The following FMR1NB variants were observed in gnomAD, a reference collection of about 807,000 sequenced individuals.
The protein encoded by FMR1NB is FMR1 neighbor protein.
In FMR1NB, 10 loss-of-function variants were observed where a neutral mutation model predicts 16.8. The ratio of observed to expected loss-of-function variants is 0.60; its 90% CI spans 0.37 to 1.01. The LOEUF is 1.01. Ranked by LOEUF, FMR1NB falls within the 50% of genes least tolerant of loss-of-function variation. The pLI is 0.01. For missense variants in FMR1NB, 205 were observed against 204.8 expected (o/e 1.00, Z 0.00); for synonymous variants, 83 against 79.1 (o/e 1.05, Z -0.26).
rs1557186499 is a variant in FMR1NB, at chrX:147,981,533, G to T, written c.131G>T (p.Gly44Val). The T allele has an allele frequency of 8.3e-7, 1 of 1,212,009 alleles. No individual in the cohort carries two copies. The highest frequency in any genetic ancestry group is 1.1e-6 in the Non-Finnish European group (1 of 895,506). The change falls in exon 1 of 6, where the codon GGA (glycine) becomes GTA (valine). Residue 44 changes from glycine to valine, a missense_variant. Gly to Val is a moderately radical substitution (Grantham distance 109, BLOSUM62 -3). Transcript: ENST00000370467. ...TCGAATCCCGAGAGCAGCCATCCTGGATACGAGGCCGCCATGGCTGACAGG... is the reference window on the plus strand; with the variant it reads ...TCGAATCCCGAGAGCAGCCATCCTGTATACGAGGCCGCCATGGCTGACAGG... ...TESNPESSHP[G>V]YEAAMADRPQ... is the part of the protein sequence containing the mutation.
intron 4 of FMR1NB, 127 bp from the exon 5 acceptor site, chrX:148,024,737 TG>T: frequency 1.3e-6 from 1 of 782,071 alleles, no homozygotes; most frequent in Non-Finnish European, 1.8e-6. Context: ...TTATTAAATC[TG>T]GTGAGTTAAA....
At chrX:148,009,332 C>T (rs1557189426) in intron 4 of FMR1NB, among the ~76,000 whole-genome samples, 1 of 111,230 alleles carries the variant, frequency 9.0e-6, no homozygotes, top group Non-Finnish European at 1.9e-5. Context: ...TGGCTATTAA[C>T]TGCAAATCAG....
At chrX:148,022,187 A>G (rs2044682784) in intron 4 of FMR1NB, among the ~76,000 whole-genome samples, 1 of 111,191 alleles carries the variant, frequency 9.0e-6, no homozygotes, top group Admixed American at 9.6e-5. Flanking sequence ...CTGCTGACTG[A>G]AATGCTCTTA....
chrX:148,014,322 G>A (rs1327300467), intron 4 of FMR1NB, among the ~76,000 whole-genome samples: 1 of 111,468 alleles, frequency 9.0e-6, no homozygotes, highest in African/African-American at 3.3e-5. Context: ...AACCAGTTTG[G>A]ACATATACCT....
chrX:148,007,463 G>GT (rs781886395), intron 3 of FMR1NB, among the ~76,000 whole-genome samples: 36 of 111,176 alleles, frequency 3.2e-4, no homozygotes, highest in African/African-American at 1.1e-3. Flanking sequence ...CTAATTTTTA[G>GT]TTTTTTTGTA....
intron 1 of FMR1NB, among the ~76,000 whole-genome samples, chrX:147,992,339 C>CT (rs1454129337): frequency 1.5e-5 from 1 of 68,832 alleles, no homozygotes; most frequent in African/African-American, 5.8e-5. Flanking sequence ...GGGCAGGGGG[C>CT]TGACCCCCCA....
intron 1 of FMR1NB, among the ~76,000 whole-genome samples, chrX:147,998,372 C>T (rs1001010457): frequency 4.7e-5 from 5 of 105,971 alleles, no homozygotes; most frequent in African/African-American, 1.1e-4. Flanking sequence ...CTAAACACCG[C>T]ATGTTCTCAC....
chrX:148,017,777 A>G lies in FMR1NB; in HGVS notation c.633-7088A>G, dbSNP rs1375463146. On this transcript the variant is annotated intron_variant, in intron 4 of 5. Transcript: ENST00000370467. ...ATTGTTCAATTCCCACCTATGAGTG[A>G]GAATATGCGGTGTTTGGTTTTTTGT... is the stretch of plus-strand genomic sequence containing the variant. Among the ~76,000 whole-genome samples, 5 of 94,989 alleles carry G rather than the reference A, an allele frequency of 5.3e-5. No individual in the cohort carries two copies. In the Admixed American group the frequency reaches 6.2e-4, roughly 12 times the overall value. The allele number at this position is 94,989 out of a possible 115,157, so 82.5% of individuals were successfully genotyped here.
intron 4 of FMR1NB, 145 bp from the exon 5 acceptor site, chrX:148,024,720 A>G: frequency 2.9e-6 from 2 of 689,155 alleles, no homozygotes; most frequent in South Asian, 3.0e-5. Flanking sequence ...AATAATTTCT[A>G]TCGGATTTAT....
intron 4 of FMR1NB, among the ~76,000 whole-genome samples, chrX:148,013,472 G>A (rs1208769416): frequency 7.2e-5 from 8 of 111,794 alleles, no homozygotes; most frequent in Non-Finnish European, 1.5e-4. Flanking sequence ...GTTTCCCAAA[G>A]CCTTACTCCC....
intron 2 of FMR1NB, among the ~76,000 whole-genome samples, chrX:148,006,188 C>CG (rs1376146285): frequency 4.5e-5 from 5 of 111,443 alleles, no homozygotes; most frequent in Non-Finnish European, 9.4e-5. Context: ...AAGGGTGAAA[C>CG]GAAGAATCTT....
At chrX:147,982,880 C>G (rs1185876210) in intron 1 of FMR1NB, among the ~76,000 whole-genome samples, 1 of 111,458 alleles carries the variant, frequency 9.0e-6, no homozygotes, top group Non-Finnish European at 1.9e-5. Context: ...GGCGACAGAG[C>G]GAGGCTCCAT....
chrX:147,984,608 T>C (rs1413375955), intron 1 of FMR1NB, among the ~76,000 whole-genome samples: 1 of 112,041 alleles, frequency 8.9e-6, no homozygotes, highest in African/African-American at 3.2e-5. Flanking sequence ...TAGTAAGATT[T>C]TGTGGGCTTT....
At chrX:148,012,238 G>C (rs782764321) in intron 4 of FMR1NB, among the ~76,000 whole-genome samples, 2 of 111,518 alleles carry the variant, frequency 1.8e-5, no homozygotes, top group Admixed American at 1.9e-4. Context: ...TGTAGCCAGC[G>C]ACAGTAGTCT....
intron 1 of FMR1NB, among the ~76,000 whole-genome samples, chrX:148,002,452 T>A (rs1349493592): frequency 2.7e-5 from 3 of 111,780 alleles, no homozygotes; most frequent in Admixed American, 9.6e-5. Context: ...GAATTTATCT[T>A]AAGTAATTTT....
At chrX:147,993,496 T>G (rs1330926995) in intron 1 of FMR1NB, among the ~76,000 whole-genome samples, 3 of 111,178 alleles carry the variant, frequency 2.7e-5, no homozygotes, top group Non-Finnish European at 5.7e-5. Flanking sequence ...TCAATCAAGG[T>G]CCTTTCATTT....
chrX:147,992,817 T>C (rs2044518879), intron 1 of FMR1NB, among the ~76,000 whole-genome samples: 1 of 63,980 alleles, frequency 1.6e-5, no homozygotes, highest in Non-Finnish European at 2.7e-5. Flanking sequence ...TCTCAGATGA[T>C]GGGTGGCCGG....
chrX:148,000,015 A>G (rs1557188537), intron 1 of FMR1NB, among the ~76,000 whole-genome samples: 1 of 111,830 alleles, frequency 8.9e-6, no homozygotes, highest in East Asian at 2.8e-4. Context: ...GCATTTGCAT[A>G]ATATAATTTA....
rs782582407 is a variant in FMR1NB at position 147,985,506 on chromosome X, C to T, written c.277+3827C>T. On this transcript the variant is annotated intron_variant, in intron 1 of 5. Coordinates refer to ENST00000370467, the MANE Select transcript of FMR1NB (RefSeq NM_152578.3). The stretch of plus-strand genomic sequence containing the variant: ...TCGACAGGCCCTGGTGTGTGATGCT[C>T]CCCTCCCTGTGTCCATGTCTTCTCA... Among the ~76,000 whole-genome samples, 42 of 110,384 alleles carry T rather than the reference C, an allele frequency of 3.8e-4. No individual in the cohort carries two copies. The East Asian group carries it at 4.3e-3, about 11-fold the overall frequency.
Sources: allele counts gnomAD v4.1 joint callset (sites outside exome capture counted in the v4.1 genomes callset), GRCh38; gene constraint gnomAD v4.1.1; transcripts MANE v1.5; gene names NCBI Gene and HGNC (gene_info 2026-07-23, HGNC 2026-07-21).